CNTNAP2: variants seen among roughly 807,000 people sequenced by gnomAD.
CNTNAP2 encodes the protein contactin-associated protein-like 2.
In CNTNAP2, 98 loss-of-function variants were observed where a neutral mutation model predicts 155.2. The observed-to-expected ratio is 0.63, with a 90% CI of 0.54 to 0.75. CNTNAP2 has a LOEUF of 0.75. CNTNAP2 is among the 30% of genes least tolerant of loss of function. The pLI is 0.00. For missense variants in CNTNAP2, 1,727 were observed against 1,688.1 expected (o/e 1.02, Z -0.40); for synonymous variants, 651 against 631.2 (o/e 1.03, Z -0.47).
intron 3 of CNTNAP2, among the ~76,000 whole-genome samples, chr7:146,849,777 A>C (rs1794837671): frequency 1.3e-5 from 2 of 152,204 alleles, no homozygotes; most frequent in East Asian, 3.8e-4. Context: ...GCTATCATTA[A>C]TGTTTCTCAA....
intron 3 of CNTNAP2, among the ~76,000 whole-genome samples, chr7:146,863,205 C>T (rs775122945): frequency 6.6e-6 from 1 of 151,990 alleles, no homozygotes; most frequent in Non-Finnish European, 1.5e-5. Context: ...ATGTATCTCC[C>T]AATAGTAGGC....
At chr7:147,783,241 A>G (rs1797685192) in intron 13 of CNTNAP2, among the ~76,000 whole-genome samples, 1 of 152,178 alleles carries the variant, frequency 6.6e-6, no homozygotes, top group Non-Finnish European at 1.5e-5. Context: ...GAGTTCATAA[A>G]ATTATATTTT....
At chr7:147,270,908 T>C (rs1429610058) in intron 8 of CNTNAP2, among the ~76,000 whole-genome samples, 1 of 152,196 alleles carries the variant, frequency 6.6e-6, no homozygotes, top group Non-Finnish European at 1.5e-5. Flanking sequence ...ATTTACTCTG[T>C]AGGGATTCGT....
At chr7:148,371,708 AT>A (rs1488118950) in intron 21 of CNTNAP2, among the ~76,000 whole-genome samples, 2 of 152,164 alleles carry the variant, frequency 1.3e-5, no homozygotes, top group Non-Finnish European at 2.9e-5. Context: ...CAATTTCATC[AT>A]TATGCGAATA....
chr7:147,977,724 T>C (rs1801454526), intron 14 of CNTNAP2, 138 bp from the exon 15 acceptor site: 3 of 1,205,638 alleles, frequency 2.5e-6, no homozygotes, highest in Middle Eastern at 2.7e-4. Flanking sequence ...AGAGAACAAC[T>C]CTTTAACTGT....
chr7:147,524,339 G>C (rs1328799365), intron 11 of CNTNAP2, among the ~76,000 whole-genome samples: 4 of 151,632 alleles, frequency 2.6e-5, no homozygotes, highest in Non-Finnish European at 5.9e-5. Context: ...GCGGTGAGCC[G>C]AGATCACACC....
intron 1 of CNTNAP2, among the ~76,000 whole-genome samples, chr7:146,179,409 A>G (rs1798518872): frequency 6.6e-6 from 1 of 152,152 alleles, no homozygotes; most frequent in African/African-American, 2.4e-5. Context: ...AATATAACCT[A>G]GAAAGTCAGA....
chr7:147,192,251 A>C (rs1802694372), intron 8 of CNTNAP2, among the ~76,000 whole-genome samples: 1 of 152,168 alleles, frequency 6.6e-6, no homozygotes, highest in Admixed American at 6.5e-5. Flanking sequence ...CCTTCTGATA[A>C]AATCCCAGTC....
chr7:147,866,090 T>C (rs1799221169), intron 13 of CNTNAP2, among the ~76,000 whole-genome samples: 1 of 152,228 alleles, frequency 6.6e-6, no homozygotes, highest in African/African-American at 2.4e-5. Context: ...ATACACTGCT[T>C]TAAATGTGTC....
intron 3 of CNTNAP2, among the ~76,000 whole-genome samples, chr7:146,910,368 C>G (rs1796245142): frequency 1.3e-5 from 2 of 149,742 alleles, no homozygotes; most frequent in East Asian, 3.9e-4. Context: ...GCCAAAAGAA[C>G]AAAGCTGGAG....
At chr7:147,376,829 C>G (rs1207115280) in intron 9 of CNTNAP2, among the ~76,000 whole-genome samples, 2 of 151,958 alleles carry the variant, frequency 1.3e-5, no homozygotes, top group South Asian at 4.1e-4. Context: ...CCTCTCCACA[C>G]AGTAACACTA....
At chr7:146,274,523 T>G (rs1024633916) in intron 1 of CNTNAP2, among the ~76,000 whole-genome samples, 4 of 152,158 alleles carry the variant, frequency 2.6e-5, no homozygotes, top group African/African-American at 7.2e-5. Flanking sequence ...AAACTGCAAA[T>G]GTACTCATCA....
chr7:148,120,122 A>C (rs1028732703), intron 16 of CNTNAP2, among the ~76,000 whole-genome samples: 1 of 150,370 alleles, frequency 6.7e-6, no homozygotes, highest in Non-Finnish European at 1.5e-5. Context: ...AGTTTCTATA[A>C]AAGTGCTTGG....
chr7:147,581,423 T>C (rs964615337), intron 12 of CNTNAP2, among the ~76,000 whole-genome samples: 6 of 152,342 alleles, frequency 3.9e-5, no homozygotes, highest in African/African-American at 1.4e-4. Flanking sequence ...CATGGAACCA[T>C]GCTGTATAGA....
rs1799461592 is a variant in CNTNAP2, at chr7:146,628,712, T to G, written c.98-145559T>G. 1.3e-5 allele frequency among the ~76,000 whole-genome samples: 2 copies of G among 152,054 alleles called. 1 individual carries two copies. Among genetic ancestry groups the G allele is most frequent in the South Asian group, 4.1e-4 (2 of 4,820 alleles). ...TCCTGTTACATTCATAGGATAGTATTTAGAGACTGTACTTCGATCAAGTAT... is the reference window on the plus strand; with the variant it reads ...TCCTGTTACATTCATAGGATAGTATGTAGAGACTGTACTTCGATCAAGTAT... On this transcript the variant is annotated intron_variant, in intron 1 of 23. Coordinates refer to ENST00000361727, the MANE Select transcript of CNTNAP2 (RefSeq NM_014141.6).
intron 13 of CNTNAP2, among the ~76,000 whole-genome samples, chr7:147,775,382 T>C (rs1435264173): frequency 9.9e-6 from 1 of 100,680 alleles, no homozygotes. Context: ...TATATTTATA[T>C]ATATTTATAA....
chr7:147,314,828 C>T (rs1243525006), intron 9 of CNTNAP2, among the ~76,000 whole-genome samples: 1 of 150,574 alleles, frequency 6.6e-6, no homozygotes, highest in Middle Eastern at 3.2e-3. Context: ...AATATATAGT[C>T]AATGTTATAT....
At chr7:146,194,240 G>A (rs914150934) in intron 1 of CNTNAP2, among the ~76,000 whole-genome samples, 12 of 152,108 alleles carry the variant, frequency 7.9e-5, no homozygotes, top group Admixed American at 5.2e-4. Flanking sequence ...CCAATTTACT[G>A]TATTAGTCTG....
At chr7:147,035,462 G>A (rs990678114) in intron 3 of CNTNAP2, among the ~76,000 whole-genome samples, 1 of 152,158 alleles carries the variant, frequency 6.6e-6, no homozygotes, top group African/African-American at 2.4e-5. Flanking sequence ...TTCAATTAAA[G>A]GGAAGTGATT....
Sources: gnomAD v4.1 joint callset for allele counts (sites outside exome capture counted in the v4.1 genomes callset) on GRCh38, gnomAD v4.1.1 for gene constraint, MANE v1.5 for transcripts, NCBI Gene and HGNC (gene_info 2026-07-23, HGNC 2026-07-21) for gene names.